ANKRD17: variants seen among roughly 807,000 people sequenced by gnomAD.
ANKRD17 encodes the protein ankyrin repeat domain-containing protein 17.
A neutral mutation model predicts 229.7 loss-of-function variants in ANKRD17; 19 were observed. That is an observed-to-expected ratio of 0.08 (90% CI 0.06 to 0.12). The LOEUF (loss-of-function observed/expected upper bound fraction) is 0.12, where lower values mean the gene tolerates loss of function less well. ANKRD17 is among the 10% of genes least tolerant of loss of function. The pLI, the probability that ANKRD17 is intolerant of heterozygous loss-of-function variation, is 1.00. For missense variants in ANKRD17, 2,176 were observed against 3,176.8 expected, an observed-to-expected ratio of 0.68 and a Z score of 7.57; for synonymous variants, 1,112 against 1,146.1, an observed-to-expected ratio of 0.97 and a Z score of 0.60.
intron 1 of ANKRD17, among the ~76,000 whole-genome samples, chr4:73,203,483 C>T (rs1393519024): frequency 1.3e-5 from 2 of 152,166 alleles, no homozygotes; most frequent in African/African-American, 2.4e-5. Context: ...GTGGGCTGGG[C>T]GCGATGGCTC....
chr4:73,203,046 T>A (rs1160268366), intron 1 of ANKRD17, among the ~76,000 whole-genome samples: 1 of 152,174 alleles, frequency 6.6e-6, no homozygotes, highest in Admixed American at 6.5e-5. Context: ...ATTTAGACAT[T>A]GCACAAAAAA....
rs925846597 is a variant in ANKRD17, at chr4:73,077,001, G to C, written c.7691C>G (p.Pro2564Arg). The change falls in exon 33 of 34, where the codon CCT becomes CGT. Residue 2564 changes from proline to arginine, a missense_variant. Coordinates refer to ENST00000358602, the MANE Select transcript of ANKRD17 (RefSeq NM_032217.5). ...CATCTTTATCAGTGAGTTCCAAGAA[G>C]GGTCTGCAGCATGAGGGCCATTAAA... ...PIFNGPHAAD[P>R]SWNSLIKMVS... 69 of 1,613,722 alleles carry C rather than the reference G, an allele frequency of 4.3e-5. No individual in the cohort carries two copies. The highest frequency in any genetic ancestry group is 5.6e-5 in the Non-Finnish European group (66 of 1,179,830).
At chr4:73,149,537 T>C (rs1172992382) in intron 7 of ANKRD17, among the ~76,000 whole-genome samples, 1 of 152,142 alleles carries the variant, frequency 6.6e-6, no homozygotes, top group Non-Finnish European at 1.5e-5. Flanking sequence ...GCGTACATGG[T>C]ACTTTCTATA....
rs202135513 is a variant in ANKRD17, at chr4:73,140,302, C to T, written c.2333-19G>A. ...GAAGCAGCTGTGTGAAAAAGAAACC[C>T]CCTCAGAAGTGCACATGAATGGCAT... On this transcript the variant is annotated intron_variant, in intron 14 of 33. Coordinates refer to ENST00000358602, the MANE Select transcript of ANKRD17 (RefSeq NM_032217.5). 1.3e-6 allele frequency: 2 copies of T among 1,555,532 alleles called. No homozygotes were observed.
chr4:73,158,866 G>A (rs1003500182), intron 3 of ANKRD17, among the ~76,000 whole-genome samples: 2 of 152,234 alleles, frequency 1.3e-5, no homozygotes, highest in African/African-American at 4.8e-5. Flanking sequence ...TCTGCACAGA[G>A]TCCCTGCCAG....
chr4:73,233,671 T>C (rs1472796568), intron 1 of ANKRD17, among the ~76,000 whole-genome samples: 1 of 152,184 alleles, frequency 6.6e-6, no homozygotes, highest in Non-Finnish European at 1.5e-5. Flanking sequence ...TTCTCTGTGC[T>C]ACTGTATCTC....
intron 16 of ANKRD17, among the ~76,000 whole-genome samples, chr4:73,134,682 G>A (rs897646188): frequency 6.6e-6 from 1 of 152,090 alleles, no homozygotes; most frequent in East Asian, 1.9e-4. Flanking sequence ...CAATCAGTAA[G>A]ATGAGAATTT....
intron 1 of ANKRD17, among the ~76,000 whole-genome samples, chr4:73,214,436 T>C (rs1366188882): frequency 2.0e-5 from 3 of 152,152 alleles, no homozygotes; most frequent in African/African-American, 7.2e-5. Flanking sequence ...CCAAGACTCT[T>C]AAAGAGTCTG....
rs1195659919 is a variant in ANKRD17 at position 73,090,768 on chromosome 4, T to C, written c.6860A>G (p.Lys2287Arg). Reference protein sequence around the residue: ...QSTPESMLSGKSSYLPNSDPL... With the variant: ...QSTPESMLSGRSSYLPNSDPL... The stretch of plus-strand genomic sequence containing the variant: ...ATCTGAATTTGGCAAATATGAGGAT[T>C]TTCCTGATAGCATAGATTCTGGTGT... Residue 2287 changes from lysine (K) to arginine (R), a missense_variant, in exon 29 of 34, where the codon AAA becomes AGA. By Grantham distance (26) the Lys-to-Arg change is conservative. Around this residue, in one of 18 missense-constraint regions of ANKRD17, gnomAD observed 424 missense variants for 454.0 expected, o/e 0.93. Coordinates refer to ENST00000358602, the MANE Select transcript of ANKRD17 (RefSeq NM_032217.5). The C allele has an allele frequency of 1.2e-6, 2 of 1,614,158 alleles. No homozygotes were observed. The highest frequency in any genetic ancestry group is 1.7e-5 in the Admixed American group (1 of 60,012).
chr4:73,118,060 G>A (rs561009406), intron 22 of ANKRD17, among the ~76,000 whole-genome samples: 234 of 151,822 alleles, frequency 1.5e-3, no homozygotes, highest in Middle Eastern at 3.4e-3. Flanking sequence ...CTTGTCACCC[G>A]GGCTGGAGTG....
chr4:73,221,641 A>G (rs1560751224), intron 1 of ANKRD17, among the ~76,000 whole-genome samples: 1 of 152,244 alleles, frequency 6.6e-6, no homozygotes, highest in Admixed American at 6.5e-5. Flanking sequence ...TCCTTTGATG[A>G]AAGTTTATAC....
intron 1 of ANKRD17, among the ~76,000 whole-genome samples, chr4:73,190,312 T>A (rs1198710845): frequency 6.6e-6 from 1 of 152,066 alleles, no homozygotes; most frequent in Non-Finnish European, 1.5e-5. Flanking sequence ...GAGGCTGCAG[T>A]GAGCTGAGAT....
intron 1 of ANKRD17, among the ~76,000 whole-genome samples, chr4:73,211,438 C>T (rs950000936): frequency 6.6e-6 from 1 of 152,060 alleles, no homozygotes; most frequent in African/African-American, 2.4e-5. Context: ...TAGTTTGATT[C>T]TTAAATGTAA....
rs545859271 is a variant in ANKRD17, at chr4:73,195,633, C to G, written c.394-18100G>C. Among the ~76,000 whole-genome samples the G allele has an allele frequency of 5.9e-5, 9 of 152,020 alleles. No individual in the cohort carries two copies. The East Asian group carries it at 1.7e-3, about 30-fold the overall frequency. The stretch of plus-strand genomic sequence containing the variant: ...AAGCTATTCTCCTGCTTCAGCCTCC[C>G]GAGTAGCTGAGACTACAGGCGCATA... On this transcript the variant is annotated intron_variant, in intron 1 of 33. Transcript: ENST00000358602.
chr4:73,237,141 T>A (rs1363131721), intron 1 of ANKRD17, among the ~76,000 whole-genome samples: 1 of 152,158 alleles, frequency 6.6e-6, no homozygotes. Flanking sequence ...GGTAGTGAGG[T>A]CAGGAAGACC....
intron 2 of ANKRD17, among the ~76,000 whole-genome samples, chr4:73,163,677 A>AAATAG (rs1162159031): frequency 2.0e-5 from 3 of 152,332 alleles, no homozygotes; most frequent in Admixed American, 2.0e-4. Flanking sequence ...GCCTAGATTA[A>AAATAG]GCACCGAGTT....
Position 73,156,000 on chromosome 4 carries a change from T to C in ANKRD17, c.852+19A>G. ...TTTTTAAAAAAACAACAAATAAGCTTTATTTTGATAATACGAACCTGTGCA... is the reference window on the plus strand; with the variant it reads ...TTTTTAAAAAAACAACAAATAAGCTCTATTTTGATAATACGAACCTGTGCA... On this transcript the variant is annotated intron_variant, in intron 4 of 33. Coordinates refer to ENST00000358602, the MANE Select transcript of ANKRD17 (RefSeq NM_032217.5). 6.4e-7 allele frequency: 1 copy of C among 1,556,316 alleles called. No homozygotes were observed.
At chr4:73,107,470 T>C (rs1003412452) in intron 24 of ANKRD17, among the ~76,000 whole-genome samples, 1 of 152,106 alleles carries the variant, frequency 6.6e-6, no homozygotes, top group African/African-American at 2.4e-5. Flanking sequence ...TACAGATAAA[T>C]AGAATGCATA....
At chr4:73,206,891 C>T (rs1425708615) in intron 1 of ANKRD17, among the ~76,000 whole-genome samples, 2 of 152,116 alleles carry the variant, frequency 1.3e-5, no homozygotes, top group African/African-American at 4.8e-5. Context: ...GGCGTGATCT[C>T]GGCTGACTGC....
Sources: allele counts gnomAD v4.1 joint callset (sites outside exome capture counted in the v4.1 genomes callset), GRCh38; gene constraint gnomAD v4.1.1; regional missense constraint gnomAD v4.1.1; transcripts MANE v1.5; gene names NCBI Gene and HGNC (gene_info 2026-07-23, HGNC 2026-07-21).